Variants in NUP214 observed in about 807,000 individuals in gnomAD.
NUP214 encodes the protein nucleoporin 214.
Under a neutral mutation model 196.2 loss-of-function variants are expected in NUP214, and 79 were observed. The ratio of observed to expected loss-of-function variants is 0.40; its 90% confidence interval spans 0.34 to 0.49. The LOEUF (loss-of-function observed/expected upper bound fraction) is 0.49, where lower values mean the gene tolerates loss of function less well. Among genes scored for constraint, NUP214 ranks in the 20% least tolerant of loss-of-function variants. The pLI is 0.58. For synonymous variants in NUP214, 1,020 were observed against 990.5 expected (o/e 1.03, Z -0.56); for missense variants, 2,468 against 2,539.0 (o/e 0.97, Z 0.60).
intron 4 of NUP214, among the ~76,000 whole-genome samples, chr9:131,129,713 C>T (rs536587709): frequency 5.9e-4 from 90 of 152,180 alleles, no homozygotes; most frequent in African/African-American, 2.0e-3. Flanking sequence ...AAGCAATTCT[C>T]GTGCCTCGGC....
chr9:131,180,839 T>C (rs1392058873), intron 24 of NUP214, among the ~76,000 whole-genome samples: 1 of 152,232 alleles, frequency 6.6e-6, no homozygotes, highest in Non-Finnish European at 1.5e-5. Context: ...TTCATTCATT[T>C]ATTCATTCTT....
rs541897083 is a variant in NUP214 at position 131,125,687 on chromosome 9, C to T, written c.-18C>T. ...TGGGAGGCAGCGTTGGCTGCTTCGA[C>T]ACACTGAGGGCGGCGCGATGGGAGA... On this transcript the variant is annotated 5_prime_UTR_variant, in exon 1 of 36. Transcript: ENST00000359428. The surrounding 1 kb of genome is among the most constrained non-coding windows in gnomAD (Gnocchi z 4.1). The T allele has an allele frequency of 1.5e-5, 23 of 1,549,692 alleles. No homozygotes were observed. The South Asian group carries it at 2.5e-4, about 17-fold the overall frequency.
chr9:131,153,547 A>G (rs968440223), intron 17 of NUP214, among the ~76,000 whole-genome samples: 51 of 152,124 alleles, frequency 3.4e-4, no homozygotes, highest in African/African-American at 1.2e-3. Flanking sequence ...TGTTGTTCCT[A>G]TGTGCCTTTC....
intron 17 of NUP214, among the ~76,000 whole-genome samples, chr9:131,157,086 ACT>A (rs1193619167): frequency 6.6e-6 from 1 of 150,900 alleles, no homozygotes; most frequent in Non-Finnish European, 1.5e-5. Flanking sequence ...GATCCTCCTA[ACT>A]CATCCTCCTG....
chr9:131,186,780 G>GTGGTACATT (rs922491471), intron 24 of NUP214, among the ~76,000 whole-genome samples: 54 of 152,250 alleles, frequency 3.5e-4, no homozygotes, highest in African/African-American at 1.3e-3. Flanking sequence ...GAATGGAACA[G>GTGGTACATT]TGGTACATTT....
chr9:131,154,840 TGTGC>T (rs970223414), intron 17 of NUP214, among the ~76,000 whole-genome samples: 10 of 151,360 alleles, frequency 6.6e-5, no homozygotes, highest in African/African-American at 2.2e-4. Context: ...TGTGTGTGTG[TGTGC>T]GCACGCGCAC....
intron 18 of NUP214, among the ~76,000 whole-genome samples, chr9:131,160,692 C>T (rs1564190353): frequency 6.6e-6 from 1 of 152,144 alleles, no homozygotes; most frequent in East Asian, 1.9e-4. Context: ...ATATCAGGGA[C>T]AGGACTATAA....
At chr9:131,177,427 TTCCAC>T (rs1339158122) in intron 23 of NUP214, among the ~76,000 whole-genome samples, 1 of 152,206 alleles carries the variant, frequency 6.6e-6, no homozygotes, top group African/African-American at 2.4e-5. Context: ...TTGAGGATTG[TTCCAC>T]TCAGCAGAAG....
chr9:131,151,037 C>T (rs1407699168), intron 16 of NUP214, among the ~76,000 whole-genome samples: 1 of 152,132 alleles, frequency 6.6e-6, no homozygotes, highest in Non-Finnish European at 1.5e-5. Context: ...TTGATGCATA[C>T]TGTGCACTCC....
Position 131,232,422 on chromosome 9 carries a change from GT to G in NUP214, c.6239+117del. On this transcript the variant is annotated intron_variant, in intron 35 of 35. Coordinates refer to ENST00000359428, the MANE Select transcript of NUP214 (RefSeq NM_005085.4). This position sits in a 1 kb window ranked among gnomAD's most constrained non-coding sequence, Gnocchi z 5.1. The stretch of plus-strand genomic sequence containing the variant: ...CTTTTCGTTTTTTCCTGTTTTTAGA[GT>G]TTGTCCTGGAAGTGTGGGGGTTCAG... 1 of 1,146,660 alleles carries G rather than the reference GT, an allele frequency of 8.7e-7. No individual in the cohort carries two copies. The highest frequency in any genetic ancestry group is 1.3e-6 in the Non-Finnish European group (1 of 763,234). The allele number at this position is 1,146,660 out of a possible 1,614,324, so 71.0% of individuals were successfully genotyped here.
rs749296794 is a variant in NUP214, at chr9:131,144,587, T to A, written c.1602T>A (p.Pro534=). ...PPSKASLAPT[P]AASPVAPSAA... Reference sequence around the variant, plus strand: ...CTAAAGCCTCCCTAGCCCCCACCCCTGCAGCGTCTCCTGTGGCTCCATCAG... The same window carrying A: ...CTAAAGCCTCCCTAGCCCCCACCCCAGCAGCGTCTCCTGTGGCTCCATCAG... Residue 534 remains proline, a synonymous_variant, in exon 12 of 36, where the codon CCT becomes CCA. Transcript: ENST00000359428. The A allele has an allele frequency of 1.2e-6, 2 of 1,614,042 alleles. No homozygotes were observed. The highest frequency in any genetic ancestry group is 8.5e-7 in the Non-Finnish European group (1 of 1,179,996).
chr9:131,219,468 T>C (rs1834496639), intron 31 of NUP214, among the ~76,000 whole-genome samples: 2 of 152,222 alleles, frequency 1.3e-5, no homozygotes, highest in Admixed American at 1.3e-4. Flanking sequence ...TCGTGAGAAC[T>C]ATAACAATGA....
chr9:131,177,158 G>A (rs1353311665), intron 23 of NUP214, among the ~76,000 whole-genome samples: 2 of 151,750 alleles, frequency 1.3e-5, no homozygotes, highest in South Asian at 4.2e-4. Context: ...TAGGAAAAAA[G>A]AACTAACATT....
chr9:131,132,445 G>C, intron 5 of NUP214, 151 bp from the exon 6 acceptor site: 3 of 655,188 alleles, frequency 4.6e-6, no homozygotes, highest in Non-Finnish European at 5.3e-6. Flanking sequence ...ATGAAGTCCT[G>C]GAAGTAGATA....
In NUP214 at chr9:131,132,115, C is replaced by CTTTTTTTTTTTTTTTTT. The variant is rs142450352; in HGVS notation, c.664-478_664-477insTTTTTTTTTTTTTTTTT. On this transcript the variant is annotated intron_variant, in intron 5 of 35. Transcript: ENST00000359428. ...TGCGTTCATGCGTTTCTTTTCTTTT[C>CTTTTTTTTTTTTTTTTT]TTTCTTTTTTTTTTTTTTTTGGAGA... 1.8e-5 allele frequency among the ~76,000 whole-genome samples: 2 copies of CTTTTTTTTTTTTTTTTT among 108,180 alleles called. 1 individual carries two copies. 71.0% of individuals were successfully genotyped at this position (108,180 alleles called of 152,430 possible). A position where few individuals can be genotyped will look rare whatever the true frequency, so the allele number is the denominator to read the frequency against.
chr9:131,202,804 T>C (rs1588164759), intron 30 of NUP214, among the ~76,000 whole-genome samples: 1 of 152,172 alleles, frequency 6.6e-6, no homozygotes, highest in East Asian at 1.9e-4. Context: ...TGGCAACATA[T>C]ATATCCCCTC....
intron 31 of NUP214, 85 bp downstream of exon 31, chr9:131,215,453 TATAAA>T (rs1341833516): frequency 1.5e-6 from 2 of 1,299,588 alleles, no homozygotes; most frequent in Non-Finnish European, 1.0e-6. Context: ...CAGTGACAAA[TATAAA>T]AAGAAAAAAA....
chr9:131,144,577 C>A lies in NUP214; in HGVS notation c.1592C>A (p.Ala531Asp), dbSNP rs779093260. The change falls in exon 12 of 36, where the codon GCC becomes GAC. Residue 531 changes from alanine to aspartate, a missense_variant. Physicochemically the swap from Ala to Asp is moderately radical, Grantham distance 126. This residue lies in a region of NUP214 where 1,801 missense variants were observed against 1,779.4 expected (regional missense o/e 1.01). Coordinates refer to ENST00000359428, the MANE Select transcript of NUP214 (RefSeq NM_005085.4). ...SFVPPSKASL[A>D]PTPAASPVAP... is the part of the protein sequence containing the mutation. ...GTTCCCCCTTCTAAAGCCTCCCTAG[C>A]CCCCACCCCTGCAGCGTCTCCTGTG... 1.2e-6 allele frequency: 2 copies of A among 1,614,074 alleles called. No homozygotes were observed. Among genetic ancestry groups the A allele is most frequent in the South Asian group, 2.2e-5 (2 of 91,084 alleles).
At chr9:131,193,629 C>CTTTTTTCTTTTTTTTTTTTTTTTTTT (rs1833678751) in intron 27 of NUP214, among the ~76,000 whole-genome samples, 1 of 28,218 alleles carries the variant, frequency 3.5e-5, no homozygotes, top group Non-Finnish European at 6.5e-5. Flanking sequence ...TCTTCCTTTT[C>CTTTTTTCTTTTTTTTTTTTTTTTTTT]TTTTTTTTTT....
Sources: gnomAD v4.1 joint callset for allele counts (sites outside exome capture counted in the v4.1 genomes callset) on GRCh38, gnomAD v4.1.1 for gene constraint, gnomAD v4.1.1 regional missense constraint, Gnocchi (gnomAD v3.1) non-coding constraint, MANE v1.5 for transcripts, NCBI Gene and HGNC (gene_info 2026-07-23, HGNC 2026-07-21) for gene names.